The following RBFOX1 variants were observed in gnomAD, a reference collection of about 807,000 sequenced individuals.
RBFOX1 encodes the protein RNA binding fox-1 homolog 1, also known as RNA binding protein fox-1 homolog 1.
Under a neutral mutation model 57.7 loss-of-function variants are expected in RBFOX1, and 8 were observed. The ratio of observed to expected loss-of-function variants is 0.14; its 90% CI spans 0.08 to 0.25. The LOEUF is 0.25. Among genes scored for constraint, RBFOX1 ranks in the 10% least tolerant of loss-of-function variants. The probability of loss-of-function intolerance (pLI) is 1.00; values close to 1 mark genes in which losing one functional copy is unlikely to be tolerated. For synonymous variants in RBFOX1, 326 were observed against 222.4 expected, an observed-to-expected ratio of 1.47 and a Z score of -4.15; for missense variants, 611 against 548.5, an observed-to-expected ratio of 1.11 and a Z score of -1.14.
chr16:7,273,256 TCCTTCCTC>T (rs1172562615), intron 4 of RBFOX1, among the ~76,000 whole-genome samples: 1 of 135,212 alleles, frequency 7.4e-6, no homozygotes. Context: ...CTTCCTTCCT[TCCTTCCTC>T]CCTTTCTCTT....
At chr16:7,464,830 G>A (rs1186848382) in intron 4 of RBFOX1, among the ~76,000 whole-genome samples, 2 of 151,244 alleles carry the variant, frequency 1.3e-5, no homozygotes, top group South Asian at 4.2e-4. Context: ...CCGAGTAGCT[G>A]GGACTGCAGG....
chr16:6,212,739 C>A (rs2097306937), intron 1 of RBFOX1, among the ~76,000 whole-genome samples: 1 of 148,622 alleles, frequency 6.7e-6, no homozygotes, highest in Non-Finnish European at 1.5e-5. Flanking sequence ...AAAAAAAAAA[C>A]CCACTAATAT....
chr16:7,458,252 C>T (rs1302292216), intron 4 of RBFOX1, among the ~76,000 whole-genome samples: 1 of 152,090 alleles, frequency 6.6e-6, no homozygotes, highest in African/African-American at 2.4e-5. Flanking sequence ...TTGCAAAGGA[C>T]CAGCGTCTAA....
intron 3 of RBFOX1, among the ~76,000 whole-genome samples, chr16:6,942,373 T>A (rs1444247160): frequency 6.6e-6 from 1 of 152,184 alleles, no homozygotes; most frequent in Non-Finnish European, 1.5e-5. Context: ...TTGCCCAGGC[T>A]GATCTCGAAC....
At chr16:7,615,118 G>C (rs1226239142) in intron 10 of RBFOX1, 1 of 152,238 alleles carries the variant, frequency 6.6e-6, no homozygotes, top group Admixed American at 6.5e-5. Flanking sequence ...TGGATCACGA[G>C]GTCAGGAGAT....
chr16:5,521,313 G>T (rs569146896), intron 2 of RBFOX1, among the ~76,000 whole-genome samples: 35 of 148,824 alleles, frequency 2.4e-4, no homozygotes, highest in South Asian at 8.8e-4. Flanking sequence ...TGCTGCCCCA[G>T]GTCCGTGCAA....
chr16:5,730,930 G>T (rs923437990), intron 3 of RBFOX1, among the ~76,000 whole-genome samples: 1 of 147,918 alleles, frequency 6.8e-6, no homozygotes, highest in Non-Finnish European at 1.5e-5. Flanking sequence ...ATTGTCACTG[G>T]TGTCACCATC....
intron 4 of RBFOX1, among the ~76,000 whole-genome samples, chr16:5,895,558 C>T (rs941647799): frequency 2.6e-5 from 4 of 152,180 alleles, no homozygotes; most frequent in Non-Finnish European, 5.9e-5. Flanking sequence ...TCTTACTGAG[C>T]TGGAGAAGGG....
At chr16:5,792,277 C>T (rs1447147552) in intron 3 of RBFOX1, among the ~76,000 whole-genome samples, 1 of 152,100 alleles carries the variant, frequency 6.6e-6, no homozygotes, top group Non-Finnish European at 1.5e-5. Flanking sequence ...CTCTGTAATC[C>T]CTTTCTAAGT....
intron 1 of RBFOX1, among the ~76,000 whole-genome samples, chr16:6,149,189 A>T (rs772338518): frequency 6.6e-6 from 1 of 152,316 alleles, no homozygotes; most frequent in Non-Finnish European, 1.5e-5. Context: ...AGTAAAATCA[A>T]TTAAGTTCTT....
At chr16:6,704,016 C>G (rs1257576587) in intron 3 of RBFOX1, 1 of 152,450 alleles carries the variant, frequency 6.6e-6, no homozygotes, top group Non-Finnish European at 1.5e-5. Context: ...CCTCTGACTT[C>G]TACTTCCTTG....
At position 5,434,317 on chromosome 16, in the gene RBFOX1, C is replaced by CTTTTTTTTTTTTT. The variant is rs5815245; in HGVS notation, c.220-32889_220-32877dup. Reference sequence around the variant, plus strand: ...AGAGGGAGCCATCTCTGCTGAAGTCCTTTTTTTTTTTTTTTTTTTTTTGAG... The same window carrying CTTTTTTTTTTTTT: ...AGAGGGAGCCATCTCTGCTGAAGTCCTTTTTTTTTTTTTTTTTTTTTTTTTTTTTTTTTTTGAG... On this transcript the variant is annotated intron_variant, in intron 1 of 2. Transcript: ENST00000585867. 1.4e-4 allele frequency among the ~76,000 whole-genome samples: 11 copies of CTTTTTTTTTTTTT among 79,732 alleles called. 4 individuals are homozygous for CTTTTTTTTTTTTT. Among genetic ancestry groups the CTTTTTTTTTTTTT allele is most frequent in the African/African-American group, 5.6e-4 (11 of 19,706 alleles). The allele number at this position is 79,732 out of a possible 152,430, so 52.3% of individuals were successfully genotyped here. A position where few individuals can be genotyped will look rare whatever the true frequency, so the allele number is the denominator to read the frequency against.
intron 3 of RBFOX1, among the ~76,000 whole-genome samples, chr16:6,784,955 G>C (rs985837417): frequency 2.6e-5 from 4 of 152,066 alleles, no homozygotes; most frequent in Non-Finnish European, 5.9e-5. Context: ...TTTCTTAACT[G>C]CTCATATAGG....
intron 2 of RBFOX1, among the ~76,000 whole-genome samples, chr16:5,595,638 C>T (rs567683671): frequency 6.6e-6 from 1 of 152,306 alleles, no homozygotes; most frequent in South Asian, 2.1e-4. Context: ...TGTAAGGATT[C>T]AGGGAAAAGA....
chr16:7,135,234 A>AT (rs1292086415), intron 4 of RBFOX1, among the ~76,000 whole-genome samples: 4 of 152,118 alleles, frequency 2.6e-5, no homozygotes, highest in Non-Finnish European at 4.4e-5. Flanking sequence ...CTGTCTAGGA[A>AT]TTTTTTTGTT....
intron 4 of RBFOX1, among the ~76,000 whole-genome samples, chr16:7,166,499 G>A (rs149125103): frequency 1.5e-3 from 228 of 152,260 alleles, no homozygotes; most frequent in Non-Finnish European, 1.6e-3. Context: ...GAAGATCAGA[G>A]GTTGGAGAAG....
chr16:5,951,852 G>A (rs539483912), intron 4 of RBFOX1, among the ~76,000 whole-genome samples: 7 of 150,514 alleles, frequency 4.7e-5, no homozygotes, highest in South Asian at 4.2e-4. Flanking sequence ...TAGTGTGTGC[G>A]CGTGTGTGTG....
At chr16:6,747,851 C>T (rs968378049) in intron 3 of RBFOX1, among the ~76,000 whole-genome samples, 1 of 152,144 alleles carries the variant, frequency 6.6e-6, no homozygotes, top group Non-Finnish European at 1.5e-5. Flanking sequence ...ATTTTTCTGA[C>T]ATAAAACTTT....
chr16:6,076,046 G>C (rs7205179), intron 1 of RBFOX1, among the ~76,000 whole-genome samples: 127,232 of 152,168 alleles, frequency 0.84, 53,809 homozygotes, highest in African/African-American at 0.96. Context: ...CGCCTGTAAT[G>C]TCAGCACTTT....
Sources: allele counts gnomAD v4.1 joint callset (sites outside exome capture counted in the v4.1 genomes callset), GRCh38; gene constraint gnomAD v4.1.1; transcripts MANE v1.5; gene names NCBI Gene and HGNC (gene_info 2026-07-23, HGNC 2026-07-21).